Variants in PLPP4 observed in about 807,000 individuals in gnomAD.
PLPP4 encodes phospholipid phosphatase 4, also known as diacylglycerol pyrophosphate like 2.
PLPP4 carries 20 observed loss-of-function variants against 32.2 expected under a neutral mutation model. The ratio of observed to expected loss-of-function variants is 0.62; its 90% CI spans 0.44 to 0.90. The LOEUF (loss-of-function observed/expected upper bound fraction) is 0.90. Ranked by LOEUF, PLPP4 falls within the 40% of genes least tolerant of loss-of-function variation. The probability of loss-of-function intolerance (pLI) is 0.00; values close to 1 mark genes in which losing one functional copy is unlikely to be tolerated. For missense variants in PLPP4, 257 were observed against 353.1 expected (o/e 0.73, Z 2.18); for synonymous variants, 127 against 133.0 (o/e 0.95, Z 0.31).
At chr10:120,502,438 T>C (rs1419801923) in intron 1 of PLPP4, among the ~76,000 whole-genome samples, 1 of 151,742 alleles carries the variant, frequency 6.6e-6, no homozygotes, top group Non-Finnish European at 1.5e-5. Flanking sequence ...GAATTGAGAG[T>C]CAGGCTGATC....
chr10:120,523,541 A>C (rs1846260718), intron 5 of PLPP4, among the ~76,000 whole-genome samples: 1 of 152,064 alleles, frequency 6.6e-6, no homozygotes, highest in Non-Finnish European at 1.5e-5. Flanking sequence ...GTTTAGAGGT[A>C]CCTGGAATAG....
chr10:120,500,643 G>T (rs1845199132), intron 1 of PLPP4, among the ~76,000 whole-genome samples: 1 of 134,708 alleles, frequency 7.4e-6, no homozygotes, highest in Admixed American at 8.2e-5. Flanking sequence ...TGACCACCCT[G>T]AGCCCACAGT....
intron 5 of PLPP4, among the ~76,000 whole-genome samples, chr10:120,567,535 A>G (rs534449317): frequency 5.9e-5 from 9 of 152,238 alleles, no homozygotes; most frequent in Non-Finnish European, 1.3e-4. Flanking sequence ...TTTTGTTTCA[A>G]TGCCATCTTG....
At position 120,591,637 on chromosome 10, in the gene PLPP4, G is replaced by C. The variant is rs1287219335; in HGVS notation, c.*2135G>C. 6.6e-6 allele frequency among the ~76,000 whole-genome samples: 1 copy of C among 151,460 alleles called. No individual in the cohort carries two copies. The highest frequency in any genetic ancestry group is 2.4e-5 in the African/African-American group (1 of 41,264). ...CTGTTAAAAAAAAAAACCCCATCCT[G>C]ATGTGGCCCACATTCTTATTTGATT... On this transcript the variant is annotated 3_prime_UTR_variant, in exon 7 of 7. Transcript: ENST00000398250.
At chr10:120,560,302 T>C (rs1848364143) in intron 5 of PLPP4, among the ~76,000 whole-genome samples, 1 of 137,944 alleles carries the variant, frequency 7.2e-6, no homozygotes, top group Admixed American at 7.8e-5. Context: ...CATTTCAAGA[T>C]GAATGAATCG....
chr10:120,475,277 C>T (rs1843848222), intron 1 of PLPP4, among the ~76,000 whole-genome samples: 2 of 151,404 alleles, frequency 1.3e-5, no homozygotes, highest in Non-Finnish European at 1.5e-5. Context: ...CCCTCTTAAC[C>T]AAGGGCCTTA....
Position 120,589,614 on chromosome 10 carries a change from G to T in PLPP4, c.*112G>T. On this transcript the variant is annotated 3_prime_UTR_variant, in exon 7 of 7. Transcript: ENST00000398250. ...TATTTTTCATCAGTTGTTTCTCAAA[G>T]TCATCGTACTTCTGCTTCTGTTTCA... The T allele has an allele frequency of 1.2e-6, 1 of 801,084 alleles. No individual in the cohort carries two copies. The highest frequency in any genetic ancestry group is 1.9e-5 in the South Asian group (1 of 52,156). The allele number at this position is 801,084 out of a possible 1,614,324, so 49.6% of individuals were successfully genotyped here.
intron 5 of PLPP4, among the ~76,000 whole-genome samples, chr10:120,560,429 T>C (rs985808482): frequency 2.0e-5 from 3 of 152,188 alleles, no homozygotes; most frequent in Admixed American, 2.0e-4. Context: ...AATATTAGGT[T>C]AGTGCAAAAT....
chr10:120,502,637 A>G (rs1052687776), intron 1 of PLPP4, among the ~76,000 whole-genome samples: 6 of 152,160 alleles, frequency 3.9e-5, no homozygotes, highest in African/African-American at 7.2e-5. Context: ...GGGGAGCTGA[A>G]GCTGCAAACA....
At chr10:120,563,863 TTGAGA>T (rs1365790306) in intron 5 of PLPP4, among the ~76,000 whole-genome samples, 1 of 151,338 alleles carries the variant, frequency 6.6e-6, no homozygotes, top group Non-Finnish European at 1.5e-5. Flanking sequence ...TATTTTTGTC[TTGAGA>T]TATTTTAGTA....
At chr10:120,548,531 G>A (rs1464957786) in intron 5 of PLPP4, among the ~76,000 whole-genome samples, 3 of 152,064 alleles carry the variant, frequency 2.0e-5, no homozygotes, top group Admixed American at 6.5e-5. Context: ...ATAGTGCTGC[G>A]ATGAACATAC....
At chr10:120,556,013 T>C in intron 5 of PLPP4, among the ~76,000 whole-genome samples, 1 of 152,322 alleles carries the variant, frequency 6.6e-6, no homozygotes, top group East Asian at 1.9e-4. Context: ...CCCTCTGCTT[T>C]CTGTCTTAGC....
intron 3 of PLPP4, among the ~76,000 whole-genome samples, chr10:120,517,291 T>G (rs1413031488): frequency 1.3e-5 from 2 of 152,160 alleles, no homozygotes; most frequent in African/African-American, 4.8e-5. Flanking sequence ...ACAGTAATTT[T>G]GCGGCAATCT....
At chr10:120,573,168 T>C (rs1849023132) in intron 5 of PLPP4, among the ~76,000 whole-genome samples, 2 of 152,180 alleles carry the variant, frequency 1.3e-5, no homozygotes, top group Admixed American at 1.3e-4. Context: ...TTTTACACAC[T>C]GTGAGGAGGG....
At chr10:120,518,979 G>A (rs948342707) in intron 4 of PLPP4, 83 bp downstream of exon 4, 3 of 1,048,168 alleles carry the variant, frequency 2.9e-6, no homozygotes, top group Non-Finnish European at 4.3e-6. Flanking sequence ...CACTGGATGG[G>A]ACAGATTTGA....
intron 5 of PLPP4, among the ~76,000 whole-genome samples, chr10:120,544,847 C>T (rs1019389733): frequency 1.2e-4 from 18 of 152,186 alleles, no homozygotes; most frequent in African/African-American, 4.3e-4. Flanking sequence ...CCCATCTGAG[C>T]AGAGCCAGGG....
Position 120,476,306 on chromosome 10 carries a change from T to G in PLPP4, c.56+18945T>G, listed in dbSNP as rs1483320795. ...TATAACAACTGCTTCTTCTCTTTTTTTTGTTGTTGTTGTTGAGTGCTTACT... is the reference window on the plus strand; with the variant it reads ...TATAACAACTGCTTCTTCTCTTTTTGTTGTTGTTGTTGTTGAGTGCTTACT... On this transcript the variant is annotated intron_variant, in intron 1 of 6. Coordinates refer to ENST00000398250, the MANE Select transcript of PLPP4 (RefSeq NM_001030059.3). Among the ~76,000 whole-genome samples the G allele has an allele frequency of 3.3e-5, 5 of 152,352 alleles. No homozygotes were observed. The East Asian group carries it at 5.8e-4, about 18-fold the overall frequency.
intron 2 of PLPP4, among the ~76,000 whole-genome samples, chr10:120,504,780 A>G (rs1179747588): frequency 6.6e-6 from 1 of 152,214 alleles, no homozygotes; most frequent in Non-Finnish European, 1.5e-5. Context: ...TTTTAGGATA[A>G]GCCTTGATTC....
chr10:120,579,764 AATCAAAAGTGAGC>A (rs1379537789), intron 6 of PLPP4, among the ~76,000 whole-genome samples: 1 of 151,958 alleles, frequency 6.6e-6, no homozygotes, highest in Non-Finnish European at 1.5e-5. Context: ...CATTACATGA[AATCAAAAGTGAGC>A]ATCAAGCAGA....
Sources: gnomAD v4.1 joint callset for allele counts (sites outside exome capture counted in the v4.1 genomes callset) on GRCh38, gnomAD v4.1.1 for gene constraint, MANE v1.5 for transcripts, NCBI Gene and HGNC (gene_info 2026-07-23, HGNC 2026-07-21) for gene names.